The following SYT1 variants were observed in gnomAD, a reference collection of about 807,000 sequenced individuals.
SYT1 encodes the protein synaptotagmin 1, also known as synaptotagmin-1.
In SYT1, 8 loss-of-function variants were observed where a neutral mutation model predicts 44.8. The ratio of observed to expected loss-of-function variants is 0.18; its 90% CI spans 0.10 to 0.32. SYT1 has a LOEUF of 0.32. Among genes scored for constraint, SYT1 ranks in the 10% least tolerant of loss-of-function variants. The probability of loss-of-function intolerance (pLI) is 1.00; values close to 1 mark genes in which losing one functional copy is unlikely to be tolerated. For synonymous variants in SYT1, 154 were observed against 188.8 expected, an observed-to-expected ratio of 0.82 and a Z score of 1.51; for missense variants, 286 against 509.3, an observed-to-expected ratio of 0.56 and a Z score of 4.22.
intron 3 of SYT1, among the ~76,000 whole-genome samples, chr12:79,117,080 A>T (rs1879314906): frequency 6.6e-6 from 1 of 152,178 alleles, no homozygotes; most frequent in South Asian, 2.1e-4. Flanking sequence ...TTCCTTCTTG[A>T]AAGTCCTGTT....
intron 3 of SYT1, among the ~76,000 whole-genome samples, chr12:79,211,454 T>C (rs1446273188): frequency 6.6e-6 from 1 of 152,166 alleles, no homozygotes; most frequent in Non-Finnish European, 1.5e-5. Context: ...TTTATTATTA[T>C]TATACTTTAA....
At chr12:79,167,784 G>T (rs917547515) in intron 3 of SYT1, among the ~76,000 whole-genome samples, 4 of 151,982 alleles carry the variant, frequency 2.6e-5, no homozygotes, top group Non-Finnish European at 5.9e-5. Context: ...GGCACCAGGG[G>T]CTTGTTTCAT....
At chr12:79,413,264 T>C (rs967091431) in intron 9 of SYT1, among the ~76,000 whole-genome samples, 1 of 152,228 alleles carries the variant, frequency 6.6e-6, no homozygotes. Context: ...CTGCTTCATA[T>C]GTGATTTATG....
At chr12:79,193,718 C>T (rs1289383372) in intron 3 of SYT1, among the ~76,000 whole-genome samples, 1 of 152,052 alleles carries the variant, frequency 6.6e-6, no homozygotes, top group African/African-American at 2.4e-5. Flanking sequence ...GTGAGAACCC[C>T]ATCTCTAAGA....
At chr12:79,193,777 A>G (rs1364609609) in intron 3 of SYT1, among the ~76,000 whole-genome samples, 1 of 152,210 alleles carries the variant, frequency 6.6e-6, no homozygotes, top group Non-Finnish European at 1.5e-5. Context: ...TACATGAAAA[A>G]TGGATGAAGC....
intron 3 of SYT1, among the ~76,000 whole-genome samples, chr12:79,114,356 C>A (rs1315343707): frequency 6.6e-6 from 1 of 152,088 alleles, no homozygotes; most frequent in East Asian, 1.9e-4. Flanking sequence ...ACTAAGCAAA[C>A]CCTGGTACAT....
intron 3 of SYT1, among the ~76,000 whole-genome samples, chr12:79,183,197 T>C (rs548186906): frequency 1.1e-3 from 162 of 152,066 alleles, no homozygotes; most frequent in Non-Finnish European, 1.7e-3. Flanking sequence ...TGAGATATTA[T>C]GGTATATGTA....
chr12:78,997,924 A>T (rs1870485782), intron 2 of SYT1, among the ~76,000 whole-genome samples: 1 of 152,188 alleles, frequency 6.6e-6, no homozygotes. Flanking sequence ...CTGGTGCCTG[A>T]AATGACTTTA....
intron 9 of SYT1, among the ~76,000 whole-genome samples, chr12:79,434,758 G>A (rs1297696666): frequency 6.6e-6 from 1 of 152,136 alleles, no homozygotes; most frequent in Non-Finnish European, 1.5e-5. Context: ...GCACACACAA[G>A]TTTAGGCAGA....
chr12:79,379,588 C>T (rs1272990852), intron 9 of SYT1, among the ~76,000 whole-genome samples: 1 of 152,100 alleles, frequency 6.6e-6, no homozygotes, highest in Non-Finnish European at 1.5e-5. Flanking sequence ...TCTTTATTTC[C>T]AAGCTCAGTA....
intron 1 of SYT1, among the ~76,000 whole-genome samples, chr12:78,915,743 A>T (rs1592555469): frequency 6.6e-6 from 1 of 151,854 alleles, no homozygotes; most frequent in Non-Finnish European, 1.5e-5. Context: ...TTAAAATTTT[A>T]TGTCCTTTTA....
intron 4 of SYT1, among the ~76,000 whole-genome samples, chr12:79,244,710 AG>A (rs992686330): frequency 6.6e-6 from 1 of 150,384 alleles, no homozygotes. Context: ...TCTCAAAAAA[AG>A]AAGAAAAAAA....
intron 9 of SYT1, among the ~76,000 whole-genome samples, chr12:79,442,727 G>A (rs1870497527): frequency 2.0e-5 from 3 of 152,090 alleles, no homozygotes; most frequent in African/African-American, 7.2e-5. Context: ...GGGAGAGGGT[G>A]ATAAAAATAC....
intron 2 of SYT1, among the ~76,000 whole-genome samples, chr12:79,030,534 A>T (rs1387631343): frequency 6.6e-6 from 1 of 150,988 alleles, no homozygotes; most frequent in Non-Finnish European, 1.5e-5. Flanking sequence ...ATGCATAAAA[A>T]ACTCATTATA....
At chr12:79,380,831 T>TA (rs1884188934) in intron 9 of SYT1, among the ~76,000 whole-genome samples, 3 of 152,256 alleles carry the variant, frequency 2.0e-5, no homozygotes, top group Admixed American at 2.0e-4. Flanking sequence ...CATGCCTTCT[T>TA]CCTTCCTGGA....
intron 1 of SYT1, among the ~76,000 whole-genome samples, chr12:78,921,267 C>T (rs1360771779): frequency 6.6e-6 from 1 of 151,870 alleles, no homozygotes; most frequent in Non-Finnish European, 1.5e-5. Context: ...ATTACTTCTT[C>T]CTCACTTTAC....
chr12:79,133,966 A>AT (rs1869020814), intron 3 of SYT1, among the ~76,000 whole-genome samples: 3 of 152,202 alleles, frequency 2.0e-5, no homozygotes, highest in Admixed American at 2.0e-4. Flanking sequence ...CAGGCTTCAT[A>AT]TATCAGATTT....
At chr12:79,163,228 A>G (rs1871054342) in intron 3 of SYT1, among the ~76,000 whole-genome samples, 1 of 152,204 alleles carries the variant, frequency 6.6e-6, no homozygotes, top group East Asian at 1.9e-4. Context: ...TCCAGCCTTA[A>G]GTCCTCTTCA....
At chr12:79,079,884 G>A (rs111888816) in intron 3 of SYT1, among the ~76,000 whole-genome samples, 161 of 152,132 alleles carry the variant, frequency 1.1e-3, no homozygotes, top group African/African-American at 3.6e-3. Context: ...CCTTTGTGCT[G>A]ACTCAAGGAT....
Sources: gnomAD v4.1 joint callset for allele counts (sites outside exome capture counted in the v4.1 genomes callset) on GRCh38, gnomAD v4.1.1 for gene constraint, MANE v1.5 for transcripts, NCBI Gene and HGNC (gene_info 2026-07-23, HGNC 2026-07-21) for gene names.